Variants in EZH2 observed in about 807,000 individuals in gnomAD.
The protein encoded by EZH2 is enhancer of zeste 2 polycomb repressive complex 2 subunit.
In EZH2, 18 loss-of-function variants were observed where a neutral mutation model predicts 98.4. The ratio of observed to expected loss-of-function variants is 0.18; its 90% CI spans 0.13 to 0.27. The LOEUF is 0.27. Ranked by LOEUF, EZH2 falls within the 10% of genes least tolerant of loss-of-function variation. The pLI, the probability that EZH2 is intolerant of heterozygous loss-of-function variation, is 1.00. For missense variants in EZH2, 470 were observed against 935.1 expected (o/e 0.50, Z 6.49); for synonymous variants, 338 against 312.3 (o/e 1.08, Z -0.87).
chr7:148,883,349 TAG>T (rs1359589145), intron 1 of EZH2: 1 of 152,194 alleles, frequency 6.6e-6, no homozygotes, highest in Non-Finnish European at 1.5e-5. Flanking sequence ...ACACAATCAA[TAG>T]AGAGCAGAGC....
At chr7:148,840,116 T>G (rs1585106269) in intron 3 of EZH2, among the ~76,000 whole-genome samples, 1 of 152,306 alleles carries the variant, frequency 6.6e-6, no homozygotes, top group South Asian at 2.1e-4. Context: ...ATGTAAAACT[T>G]TTGAGGGTGC....
chr7:148,863,164 C>T (rs1817951924), intron 1 of EZH2, among the ~76,000 whole-genome samples: 1 of 151,790 alleles, frequency 6.6e-6, no homozygotes, highest in Admixed American at 6.6e-5. Context: ...GAACTGCTCC[C>T]CTTAAATATA....
At chr7:148,828,408 G>A (rs1808365943) in intron 6 of EZH2, among the ~76,000 whole-genome samples, 1 of 152,024 alleles carries the variant, frequency 6.6e-6, no homozygotes, top group Non-Finnish European at 1.5e-5. Context: ...CACAATCACA[G>A]CTCAATGCAG....
chr7:148,832,675 G>A lies in EZH2; in HGVS notation c.322C>T (p.Pro108Ser). Residue 108 changes from proline to serine, a missense_variant, in exon 4 of 20, where the codon CCC (proline) becomes TCC (serine). By Grantham distance (74) the Pro-to-Ser change is moderately conservative (BLOSUM62 -1). This residue lies in a region of EZH2 where 21 missense variants were observed against 84.2 expected (regional missense o/e 0.25). Transcript: ENST00000320356. ...AGGGGAGACCAAGAATACATTATGG[G>A]TACTGAAGCAACTGCATTCAGAGTC... The part of the protein sequence containing the change: ...LKTLNAVASV[P>S]IMYSWSPLQQ... The A allele has an allele frequency of 6.2e-7, 1 of 1,610,692 alleles. No individual in the cohort carries two copies. Among genetic ancestry groups the A allele is most frequent in the Non-Finnish European group, 8.5e-7 (1 of 1,177,698 alleles).
chr7:148,826,444 GA>G lies in EZH2; in HGVS notation c.907+9del. ...TAATTCCACAACAAAGATAGAAAAT[GA>G]AAACGTACAATAATTGCACTTACGA... On this transcript the variant is annotated intron_variant, in intron 8 of 19. Transcript: ENST00000320356. 1 of 1,546,582 alleles carries G rather than the reference GA, an allele frequency of 6.5e-7. No homozygotes were observed. Among genetic ancestry groups the G allele is most frequent in the Non-Finnish European group, 8.8e-7 (1 of 1,141,416 alleles).
At chr7:148,872,360 A>G (rs573543352) in intron 1 of EZH2, among the ~76,000 whole-genome samples, 8 of 152,326 alleles carry the variant, frequency 5.3e-5, no homozygotes, top group East Asian at 3.9e-4. Context: ...TTAGTGCTCA[A>G]TGGGTACAGA....
chr7:148,811,806 G>C, intron 15 of EZH2, 86 bp from the exon 16 acceptor site: 1 of 1,150,366 alleles, frequency 8.7e-7, no homozygotes, highest in Non-Finnish European at 1.3e-6. Flanking sequence ...GAAAACAAAA[G>C]CTATCACTGT....
chr7:148,849,180 G>A (rs556422042), intron 1 of EZH2, among the ~76,000 whole-genome samples: 16 of 152,114 alleles, frequency 1.1e-4, no homozygotes, highest in Middle Eastern at 3.4e-3. Context: ...TGGAACTCAC[G>A]GATATGGAAG....
At chr7:148,840,663 G>C (rs888094521) in intron 3 of EZH2, among the ~76,000 whole-genome samples, 6 of 152,100 alleles carry the variant, frequency 3.9e-5, no homozygotes, top group Admixed American at 6.5e-5. Flanking sequence ...CTGCCTTGTT[G>C]GGTAGCTTAT....
At chr7:148,837,391 T>C (rs1811181518) in intron 3 of EZH2, among the ~76,000 whole-genome samples, 1 of 151,496 alleles carries the variant, frequency 6.6e-6, no homozygotes, top group South Asian at 2.1e-4. Flanking sequence ...AAAGGAAGAG[T>C]CAGAAGAAAG....
At chr7:148,813,830 C>G in intron 15 of EZH2, 129 bp downstream of exon 15, 3 of 938,746 alleles carry the variant, frequency 3.2e-6, no homozygotes, top group Non-Finnish European at 4.7e-6. Flanking sequence ...TGAACACTTT[C>G]TCATCAGTTG....
intron 3 of EZH2, among the ~76,000 whole-genome samples, chr7:148,839,208 C>A (rs1168145164): frequency 6.6e-6 from 1 of 152,158 alleles, no homozygotes; most frequent in African/African-American, 2.4e-5. Context: ...ACCAAGAAGG[C>A]TGATTCTGCT....
At chr7:148,874,029 C>T (rs192867698) in intron 1 of EZH2, among the ~76,000 whole-genome samples, 3 of 152,192 alleles carry the variant, frequency 2.0e-5, no homozygotes, top group Non-Finnish European at 2.9e-5. Flanking sequence ...AGAATCTCCA[C>T]GTGAAATTTC....
intron 3 of EZH2, among the ~76,000 whole-genome samples, chr7:148,843,485 A>T (rs1813028790): frequency 6.6e-6 from 1 of 152,066 alleles, no homozygotes; most frequent in Non-Finnish European, 1.5e-5. Flanking sequence ...TCACTTCAGT[A>T]AACTTTTGTC....
chr7:148,879,675 G>A (rs992193399), intron 1 of EZH2, among the ~76,000 whole-genome samples: 2 of 152,086 alleles, frequency 1.3e-5, no homozygotes, highest in African/African-American at 2.4e-5. Flanking sequence ...AGGTGACAGA[G>A]TGACACTGCA....
At chr7:148,882,504 A>T (rs1317934843) in intron 1 of EZH2, among the ~76,000 whole-genome samples, 3 of 152,230 alleles carry the variant, frequency 2.0e-5, no homozygotes, top group African/African-American at 7.2e-5. Context: ...TGAATAGAAA[A>T]TTAAAATATA....
At chr7:148,813,052 T>TACACACACGCACACACACACAC (rs944759975) in intron 15 of EZH2, among the ~76,000 whole-genome samples, 1 of 132,108 alleles carries the variant, frequency 7.6e-6, no homozygotes, top group African/African-American at 3.2e-5. Flanking sequence ...ACACCCCACA[T>TACACACACGCACACACACACAC]ACACACACAC....
At chr7:148,826,432 A>C (rs773522675) in intron 8 of EZH2, 22 bp downstream of exon 8, 1 of 1,534,154 alleles carries the variant, frequency 6.5e-7, no homozygotes, top group South Asian at 1.3e-5. Context: ...TTCCACAACA[A>C]AGATAGAAAA....
At chr7:148,807,732 G>A (rs770016789) in intron 19 of EZH2, 26 bp from the exon 20 acceptor site, 123 of 1,548,754 alleles carry the variant, frequency 7.9e-5, no homozygotes, top group East Asian at 2.1e-4. Flanking sequence ...GGAGATGTCC[G>A]CTGGATGGCC....
Sources: allele counts gnomAD v4.1 joint callset (sites outside exome capture counted in the v4.1 genomes callset), GRCh38; gene constraint gnomAD v4.1.1; regional missense constraint gnomAD v4.1.1; transcripts MANE v1.5; gene names NCBI Gene and HGNC (gene_info 2026-07-23, HGNC 2026-07-21).